Variants in CNGA1 observed in about 807,000 individuals in gnomAD.
CNGA1 encodes cyclic nucleotide gated channel subunit alpha 1.
CNGA1 carries 53 observed loss-of-function variants against 69.7 expected under a neutral mutation model. The observed-to-expected ratio is 0.76, with a 90% CI of 0.61 to 0.96. The LOEUF (loss-of-function observed/expected upper bound fraction) is 0.96, where lower values mean the gene tolerates loss of function less well. CNGA1 is among the 40% of genes least tolerant of loss of function. The pLI, the probability that CNGA1 is intolerant of heterozygous loss-of-function variation, is 0.00. For missense variants in CNGA1, 739 were observed against 811.2 expected, an observed-to-expected ratio of 0.91 and a Z score of 1.08; for synonymous variants, 249 against 283.5, an observed-to-expected ratio of 0.88 and a Z score of 1.22.
At chr4:48,005,274 C>T (rs909061616) in intron 2 of CNGA1, among the ~76,000 whole-genome samples, 6 of 151,994 alleles carry the variant, frequency 3.9e-5, no homozygotes, top group East Asian at 3.9e-4. Flanking sequence ...TGTGCCACCA[C>T]GCCTGGCTAA....
chr4:47,941,296 G>C (rs9291319), intron 9 of CNGA1, among the ~76,000 whole-genome samples: 122,470 of 152,086 alleles, frequency 0.81, 49,545 homozygotes, highest in East Asian at 0.98. Context: ...ACATGTACCC[G>C]ATAAATTTGT....
intron 2 of CNGA1, among the ~76,000 whole-genome samples, chr4:47,997,975 A>T (rs1714463822): frequency 6.6e-6 from 1 of 152,330 alleles, no homozygotes; most frequent in East Asian, 1.9e-4. Context: ...CATAAGATGA[A>T]CCATCATAAG....
At chr4:48,010,562 C>T (rs1335864854) in intron 2 of CNGA1, among the ~76,000 whole-genome samples, 1 of 152,140 alleles carries the variant, frequency 6.6e-6, no homozygotes, top group Non-Finnish European at 1.5e-5. Context: ...GTTCTCTGAC[C>T]TGGGGTTCTT....
At chr4:47,976,186 T>C (rs1157379695) in intron 3 of CNGA1, among the ~76,000 whole-genome samples, 5 of 43,810 alleles carry the variant, frequency 1.1e-4, no homozygotes, top group African/African-American at 5.0e-4. Flanking sequence ...TACATATATA[T>C]ATACATATAT....
intron 2 of CNGA1, among the ~76,000 whole-genome samples, chr4:48,007,808 C>A (rs1714987828): frequency 6.6e-6 from 1 of 152,094 alleles, no homozygotes; most frequent in Admixed American, 6.5e-5. Flanking sequence ...CTGCAGTGTA[C>A]AGAACATTAT....
intron 2 of CNGA1, among the ~76,000 whole-genome samples, chr4:47,984,477 G>A (rs1741886793): frequency 6.6e-6 from 1 of 151,670 alleles, no homozygotes; most frequent in Admixed American, 6.6e-5. Flanking sequence ...AATTAGGCAG[G>A]CATGGTGGTG....
intron 2 of CNGA1, among the ~76,000 whole-genome samples, chr4:48,000,669 C>T (rs321640): frequency 0.15 from 21,239 of 140,554 alleles, 1,827 homozygotes; most frequent in Middle Eastern, 0.24. Flanking sequence ...TGCCCAGCAA[C>T]AATAAGTGAT....
chr4:47,947,085 C>A (rs910318386), intron 6 of CNGA1, among the ~76,000 whole-genome samples: 6 of 152,140 alleles, frequency 3.9e-5, no homozygotes, highest in Non-Finnish European at 5.9e-5. Flanking sequence ...CCATGCCCGG[C>A]CTTCAGTACC....
chr4:47,941,013 A>T (rs1739041167), intron 9 of CNGA1, 144 bp from the exon 10 acceptor site: 2 of 612,464 alleles, frequency 3.3e-6, no homozygotes, highest in Non-Finnish European at 5.8e-6. Context: ...TTAATTAACC[A>T]TGGCTCTCCC....
intron 10 of CNGA1, among the ~76,000 whole-genome samples, chr4:47,938,670 C>T (rs1460753845): frequency 6.6e-6 from 1 of 152,106 alleles, no homozygotes; most frequent in African/African-American, 2.4e-5. Flanking sequence ...GGATTACAGG[C>T]ATGAGCCACT....
chr4:48,011,166 TG>T (rs1715141641), intron 1 of CNGA1, among the ~76,000 whole-genome samples: 1 of 152,148 alleles, frequency 6.6e-6, no homozygotes. Context: ...GCAAGTCCCA[TG>T]TTTAAAGGTG....
intron 2 of CNGA1, among the ~76,000 whole-genome samples, chr4:47,988,094 G>T (rs973010121): frequency 6.6e-6 from 1 of 152,178 alleles, no homozygotes; most frequent in African/African-American, 2.4e-5. Context: ...GAACGGGTCA[G>T]ATTCTTGATA....
chr4:47,980,280 G>A (rs984202004), intron 3 of CNGA1, among the ~76,000 whole-genome samples: 3 of 152,020 alleles, frequency 2.0e-5, no homozygotes, highest in African/African-American at 7.2e-5. Flanking sequence ...TAAAAAGCCC[G>A]TTTTAAGAGG....
chr4:48,011,988 T>TCTGTTA (rs1715187317), intron 1 of CNGA1, among the ~76,000 whole-genome samples: 1 of 152,210 alleles, frequency 6.6e-6, no homozygotes, highest in Non-Finnish European at 1.5e-5. Flanking sequence ...GAAAAAGATC[T>TCTGTTA]AGCTATGTTA....
At chr4:48,003,128 G>A (rs1369355975) in intron 2 of CNGA1, among the ~76,000 whole-genome samples, 1 of 152,074 alleles carries the variant, frequency 6.6e-6, no homozygotes, top group East Asian at 1.9e-4. Flanking sequence ...TACATTCTAG[G>A]GACACATGAG....
At chr4:47,966,015 A>G (rs1162390944) in intron 3 of CNGA1, among the ~76,000 whole-genome samples, 1 of 152,200 alleles carries the variant, frequency 6.6e-6, no homozygotes, top group Non-Finnish European at 1.5e-5. Context: ...AAGAGAAACA[A>G]TTGCTTTGGA....
intron 5 of CNGA1, among the ~76,000 whole-genome samples, 183 bp from the exon 6 acceptor site, chr4:47,950,078 T>A (rs1228697755): frequency 6.6e-6 from 1 of 152,224 alleles, no homozygotes; most frequent in East Asian, 1.9e-4. Context: ...ATCCTGAGCC[T>A]CCATGAAGCA....
At chr4:47,949,746 C>T in intron 6 of CNGA1, 87 bp downstream of exon 6, 1 of 951,818 alleles carries the variant, frequency 1.1e-6, no homozygotes, top group Non-Finnish European at 1.7e-6. Flanking sequence ...TAAATGTTTC[C>T]TCTATAACAG....
chr4:47,978,867 A>G (rs887875657), intron 3 of CNGA1, among the ~76,000 whole-genome samples: 1 of 152,228 alleles, frequency 6.6e-6, no homozygotes, highest in Non-Finnish European at 1.5e-5. Flanking sequence ...TCAAGACTAT[A>G]TCATTGCATT....
Sources: allele counts gnomAD v4.1 joint callset (sites outside exome capture counted in the v4.1 genomes callset), GRCh38; gene constraint gnomAD v4.1.1; transcripts MANE v1.5; gene names NCBI Gene and HGNC (gene_info 2026-07-23, HGNC 2026-07-21).